CPEB2: variants seen among roughly 807,000 people sequenced by gnomAD.
CPEB2 encodes the protein cytoplasmic polyadenylation element-binding protein 2.
Under a neutral mutation model 93.6 loss-of-function variants are expected in CPEB2, and 56 were observed. The ratio of observed to expected loss-of-function variants is 0.60; its 90% confidence interval spans 0.48 to 0.75. CPEB2 has a LOEUF of 0.75. Among genes scored for constraint, CPEB2 ranks in the 30% least tolerant of loss-of-function variants. The pLI is 0.00. For missense variants in CPEB2, 1,579 were observed against 1,395.1 expected (o/e 1.13, Z -2.10); for synonymous variants, 764 against 586.3 (o/e 1.30, Z -4.38).
At position 15,002,835 on chromosome 4, in the gene CPEB2, T is replaced by C. The variant is rs1432202425; in HGVS notation, c.162T>C (p.Pro54=). 6.5e-7 allele frequency: 1 copy of C among 1,535,060 alleles called. No homozygotes were observed. Among genetic ancestry groups the C allele is most frequent in the Admixed American group, 2.0e-5 (1 of 50,962 alleles). Residue 54 remains proline, a synonymous_variant, in exon 1 of 12, where the codon CCT becomes CCC. Transcript: ENST00000538197. ...PFGPLSPPPL[P]VTGFLEAASP... is the part of the protein sequence containing the mutation. ...GCCCACTGTCGCCACCACCGTTGCC[T>C]GTCACCGGCTTCTTAGAGGCCGCCT...
At chr4:15,026,005 G>A (rs533065290) in intron 4 of CPEB2, among the ~76,000 whole-genome samples, 33 of 151,898 alleles carry the variant, frequency 2.2e-4, no homozygotes, top group African/African-American at 8.0e-4. Context: ...CTTTTTAACT[G>A]CCACGTTAGG....
intron 9 of CPEB2, 133 bp from the exon 10 acceptor site, chr4:15,059,054 A>C: frequency 1.9e-6 from 1 of 524,704 alleles, no homozygotes; most frequent in Non-Finnish European, 3.4e-6. Flanking sequence ...AGTTATAAAA[A>C]TAATTTGTTT....
intron 11 of CPEB2, among the ~76,000 whole-genome samples, chr4:15,062,740 G>A (rs1729315515): frequency 6.6e-6 from 1 of 152,052 alleles, no homozygotes; most frequent in South Asian, 2.1e-4. Flanking sequence ...TTATTTAAAT[G>A]TTTGTTTTCA....
chr4:15,069,943 C>T lies in CPEB2; in HGVS notation c.*3563C>T, dbSNP rs1049086563. 6.6e-6 allele frequency: 1 copy of T among 151,698 alleles called. No individual in the cohort carries two copies. The highest frequency in any genetic ancestry group is 1.5e-5 in the Non-Finnish European group (1 of 67,726). 9.4% of individuals were successfully genotyped at this position (151,698 alleles called of 1,614,324 possible). A position where few individuals can be genotyped will look rare whatever the true frequency, so the allele number is the denominator to read the frequency against. On this transcript the variant is annotated 3_prime_UTR_variant, in exon 12 of 12. Coordinates refer to ENST00000538197, the MANE Select transcript of CPEB2 (RefSeq NM_001177382.2). ...AAAAGAGAACCCATGCTTTTATGGA[C>T]ACTAGGTAAACACCTTCAGCTTAAA...
At chr4:15,063,696 T>G (rs1729422343) in intron 11 of CPEB2, 1 of 152,118 alleles carries the variant, frequency 6.6e-6, no homozygotes, top group South Asian at 2.1e-4. Flanking sequence ...AAAAGACTGT[T>G]ACAGTGTCAT....
rs2108930464 is a variant in CPEB2, at chr4:15,003,212, A to G, written c.539A>G (p.Lys180Arg). ...CAGCAGCTGAGCAGCCAGAAGAGGA[A>G]AGAGTTCAGCCCTCCCCACCTTCCC... Reference protein sequence around the residue: ...QQQQLSSQKRKEFSPPHLPHP... With the variant: ...QQQQLSSQKRREFSPPHLPHP... The change falls in exon 1 of 12, where the codon AAA becomes AGA. Residue 180 changes from lysine to arginine, a missense_variant. Physicochemically the swap from Lys to Arg is conservative, Grantham distance 26 (BLOSUM62 2). Around this residue, in one of 2 missense-constraint regions of CPEB2, gnomAD observed 1,411 missense variants for 1,056.0 expected, o/e 1.34. Coordinates refer to ENST00000538197, the MANE Select transcript of CPEB2 (RefSeq NM_001177382.2). 1 of 1,533,224 alleles carries G rather than the reference A, an allele frequency of 6.5e-7. No homozygotes were observed. The highest frequency in any genetic ancestry group is 2.5e-5 in the East Asian group (1 of 40,518). 95.0% of individuals were successfully genotyped at this position (1,533,224 alleles called of 1,614,324 possible).
intron 6 of CPEB2, among the ~76,000 whole-genome samples, chr4:15,042,326 GATT>G (rs1727265483): frequency 6.6e-6 from 1 of 152,102 alleles, no homozygotes. Context: ...TGTAGATTAT[GATT>G]ATATTAAGAA....
At chr4:15,004,408 G>A (rs1722499061) in intron 1 of CPEB2, 73 bp downstream of exon 1, 15 of 1,167,950 alleles carry the variant, frequency 1.3e-5, no homozygotes, top group Non-Finnish European at 1.6e-5. Flanking sequence ...CGGGGGCAGG[G>A]CAGCCGGGGA....
At chr4:15,045,361 A>G (rs1727560010) in intron 6 of CPEB2, among the ~76,000 whole-genome samples, 1 of 152,196 alleles carries the variant, frequency 6.6e-6, no homozygotes, top group Non-Finnish European at 1.5e-5. Context: ...AATATCTGTC[A>G]TAAATACCTG....
At chr4:15,060,092 G>A (rs1301528029) in intron 10 of CPEB2, among the ~76,000 whole-genome samples, 2 of 152,126 alleles carry the variant, frequency 1.3e-5, no homozygotes, top group East Asian at 1.9e-4. Flanking sequence ...AAAAGGAGTA[G>A]GATCAGGGTG....
intron 4 of CPEB2, among the ~76,000 whole-genome samples, chr4:15,025,993 A>G (rs1344017735): frequency 2.0e-5 from 3 of 152,074 alleles, no homozygotes; most frequent in Non-Finnish European, 4.4e-5. Context: ...CCTCTTTCAA[A>G]TCTTTTTAAC....
chr4:15,040,624 A>G (rs971599929), intron 6 of CPEB2, 137 bp downstream of exon 6: 2 of 719,720 alleles, frequency 2.8e-6, no homozygotes, highest in African/African-American at 3.6e-5. Flanking sequence ...CACTTGTCGA[A>G]GTTTTTAATT....
rs146101385 is a variant in CPEB2, at chr4:15,003,252, G to A, written c.579G>A (p.Ser193=). The A allele has an allele frequency of 0.067, 101,136 of 1,520,610 alleles. 3,594 individuals are homozygous for A. The highest frequency in any genetic ancestry group is 0.072 in the Non-Finnish European group (82,674 of 1,142,248). The allele number at this position is 1,520,610 out of a possible 1,614,324, so 94.2% of individuals were successfully genotyped here. The change falls in exon 1 of 12, where the codon TCG becomes TCA. Residue 193 remains serine (S), a synonymous_variant. Transcript: ENST00000538197. ...SPPHLPHPPD[S]KPPPPPPPLH... ...CCCACCTTCCCCACCCTCCGGACTC[G>A]AAGCCGCCGCCGCCGCCTCCGCCGC...
chr4:15,029,969 C>T (rs538124264), intron 4 of CPEB2, among the ~76,000 whole-genome samples: 3 of 152,048 alleles, frequency 2.0e-5, no homozygotes, highest in Admixed American at 2.0e-4. Flanking sequence ...GGTACACTTA[C>T]CTACAAGAAG....
At chr4:15,024,618 G>T (rs1319862414) in intron 4 of CPEB2, among the ~76,000 whole-genome samples, 2 of 151,894 alleles carry the variant, frequency 1.3e-5, no homozygotes, top group Non-Finnish European at 2.9e-5. Flanking sequence ...GAATGTGTAT[G>T]TGCATACGTA....
At chr4:15,064,144 C>CCTAT (rs1197337053) in intron 11 of CPEB2, among the ~76,000 whole-genome samples, 10 of 151,968 alleles carry the variant, frequency 6.6e-5, no homozygotes, top group Non-Finnish European at 1.5e-4. Context: ...TGGTTTAGTT[C>CCTAT]CTATCTGATA....
At chr4:15,025,128 T>G (rs1053585551) in intron 4 of CPEB2, among the ~76,000 whole-genome samples, 2 of 152,172 alleles carry the variant, frequency 1.3e-5, no homozygotes, top group African/African-American at 2.4e-5. Flanking sequence ...TTTTCTTTTC[T>G]GTTTTCCATT....
In CPEB2 at chr4:15,003,176, A is replaced by AGCG. The variant is rs1474041714; in HGVS notation, c.506_508dup (p.Arg169dup). ...ACCTCCTCCCCGCAGGACTTCAGTA[A>AGCG]GCGGCAGCAGCAGCAGCTGAGCAGC... On this transcript the variant is annotated inframe_insertion, in exon 1 of 12. Transcript: ENST00000538197. The AGCG allele has an allele frequency of 2.0e-6, 3 of 1,531,872 alleles. No homozygotes were observed. In the South Asian group the frequency reaches 3.6e-5, roughly 18 times the overall value. 94.9% of individuals were successfully genotyped at this position (1,531,872 alleles called of 1,614,324 possible).
chr4:15,022,501 A>G (rs1454373598), intron 4 of CPEB2, among the ~76,000 whole-genome samples: 4 of 152,250 alleles, frequency 2.6e-5, no homozygotes, highest in African/African-American at 7.2e-5. Context: ...ATATCTATGT[A>G]TCTAATATAT....
Sources: allele counts gnomAD v4.1 joint callset (sites outside exome capture counted in the v4.1 genomes callset), GRCh38; gene constraint gnomAD v4.1.1; regional missense constraint gnomAD v4.1.1; transcripts MANE v1.5; gene names NCBI Gene and HGNC (gene_info 2026-07-23, HGNC 2026-07-21).